TENT5D: variants seen among roughly 807,000 people sequenced by gnomAD.
TENT5D encodes terminal nucleotidyltransferase 5D, also known as cancer/testis antigen 112.
For missense variants in TENT5D, 191 were observed against 287.0 expected, an observed-to-expected ratio of 0.67 and a Z score of 2.42; for synonymous variants, 103 against 100.6, an observed-to-expected ratio of 1.02 and a Z score of -0.15.
chrX:80,393,605 A>G (rs776769385), intron 3 of TENT5D, among the ~76,000 whole-genome samples: 4 of 111,908 alleles, frequency 3.6e-5, no homozygotes, highest in South Asian at 3.7e-4. Flanking sequence ...AGAATACTCA[A>G]TTATTAGCTA....
At chrX:80,438,047 A>G (rs1177953734) in intron 1 of TENT5D, among the ~76,000 whole-genome samples, 1 of 111,701 alleles carries the variant, frequency 9.0e-6, no homozygotes, top group South Asian at 3.7e-4. Flanking sequence ...TTAAAAGAGC[A>G]TTCACTTTGA....
intron 1 of TENT5D, among the ~76,000 whole-genome samples, chrX:80,421,175 T>A (rs1278651162): frequency 9.0e-6 from 1 of 111,197 alleles, no homozygotes; most frequent in Non-Finnish European, 1.9e-5. Flanking sequence ...TTATCTCATT[T>A]GTATAGTTTT....
chrX:80,414,229 T>A (rs1931724710), intron 3 of TENT5D, among the ~76,000 whole-genome samples: 1 of 111,779 alleles, frequency 8.9e-6, no homozygotes, highest in African/African-American at 3.3e-5. Flanking sequence ...AAACTTTAGA[T>A]CTTGACTAAA....
chrX:80,381,142 A>G (rs962601098), intron 3 of TENT5D, among the ~76,000 whole-genome samples: 1 of 111,857 alleles, frequency 8.9e-6, no homozygotes, highest in Non-Finnish European at 1.9e-5. Flanking sequence ...GAGCTCTTGT[A>G]AGGCAGGCCT....
chrX:80,394,532 C>T (rs915597134), intron 3 of TENT5D, among the ~76,000 whole-genome samples: 2 of 106,179 alleles, frequency 1.9e-5, no homozygotes, highest in Non-Finnish European at 3.9e-5. Context: ...GCTGGGATTA[C>T]AGACATGCGC....
intron 3 of TENT5D, among the ~76,000 whole-genome samples, chrX:80,402,793 C>T (rs1026338282): frequency 3.6e-5 from 4 of 111,841 alleles, no homozygotes; most frequent in Non-Finnish European, 7.5e-5. Context: ...AGACTTGTCT[C>T]GTAGGCTAAC....
chrX:80,384,716 CT>C (rs1930954133), intron 3 of TENT5D, among the ~76,000 whole-genome samples: 1 of 105,266 alleles, frequency 9.5e-6, no homozygotes. Context: ...TGATAAGCAG[CT>C]TCAGCAAAGT....
intron 1 of TENT5D, among the ~76,000 whole-genome samples, chrX:80,424,783 C>G (rs1336735882): frequency 1.8e-5 from 2 of 112,493 alleles, no homozygotes; most frequent in Non-Finnish European, 3.8e-5. Flanking sequence ...AGAATAATTA[C>G]CTTTACATAG....
chrX:80,399,103 CT>C (rs757483589), intron 3 of TENT5D, among the ~76,000 whole-genome samples: 9 of 111,675 alleles, frequency 8.1e-5, no homozygotes, highest in Admixed American at 1.9e-4. Context: ...TGTGCAGAAG[CT>C]TTTTATTTTG....
At chrX:80,431,729 C>T (rs748420262) in intron 1 of TENT5D, among the ~76,000 whole-genome samples, 70 of 111,409 alleles carry the variant, frequency 6.3e-4, no homozygotes, top group Non-Finnish European at 1.2e-3. Flanking sequence ...AAAGACTTCC[C>T]CCATGAATCA....
At chrX:80,396,831 C>T (rs1219468367) in intron 3 of TENT5D, among the ~76,000 whole-genome samples, 2 of 99,920 alleles carry the variant, frequency 2.0e-5, no homozygotes, top group East Asian at 3.2e-4. Context: ...AGGGGCTCCT[C>T]ACTTCCCAGT....
chrX:80,391,857 T>A (rs1931133704), intron 3 of TENT5D, among the ~76,000 whole-genome samples: 1 of 112,727 alleles, frequency 8.9e-6, no homozygotes, highest in African/African-American at 3.2e-5. Context: ...GAAGTTTAGT[T>A]GAGGTGCCGC....
At chrX:80,438,808 ACTT>A (rs1932230315) in intron 2 of TENT5D, 76 bp downstream of exon 2, 1 of 110,984 alleles carries the variant, frequency 9.0e-6, no homozygotes, top group Non-Finnish European at 1.9e-5. Context: ...AGAGTGGCTA[ACTT>A]CTTATGTTTC....
chrX:80,416,249 T>C (rs1453245627), upstream of TENT5D, among the ~76,000 whole-genome samples: 3 of 104,248 alleles, frequency 2.9e-5, no homozygotes, highest in Non-Finnish European at 5.8e-5. Flanking sequence ...CCTGGCTTCA[T>C]TGATATTTTG....
At chrX:80,379,159 TTTCTGCATTCTA>T (rs1460702890) in intron 3 of TENT5D, among the ~76,000 whole-genome samples, 4 of 105,856 alleles carry the variant, frequency 3.8e-5, no homozygotes, top group Non-Finnish European at 5.9e-5. Context: ...GAAAAGGCCT[TTTCTGCATTCTA>T]TTCTGCATTC....
chrX:80,421,806 G>C (rs1931888765), intron 1 of TENT5D, among the ~76,000 whole-genome samples: 1 of 111,422 alleles, frequency 9.0e-6, no homozygotes, highest in South Asian at 3.8e-4. Context: ...ATGATAAGGA[G>C]ACTTAAGGAA....
intron 3 of TENT5D, among the ~76,000 whole-genome samples, chrX:80,350,248 G>A (rs921613369): frequency 9.0e-6 from 1 of 111,037 alleles, no homozygotes; most frequent in Non-Finnish European, 1.9e-5. Flanking sequence ...ACAGTGGGGC[G>A]TTAAAGTCTC....
At chrX:80,339,657 G>T (rs1244016298) in intron 2 of TENT5D, among the ~76,000 whole-genome samples, 1 of 109,987 alleles carries the variant, frequency 9.1e-6, no homozygotes, top group Non-Finnish European at 1.9e-5. Flanking sequence ...TTCATAATTT[G>T]GAAGTGACAA....
At chrX:80,394,044 T>C (rs1450467135) in intron 3 of TENT5D, among the ~76,000 whole-genome samples, 1 of 112,059 alleles carries the variant, frequency 8.9e-6, no homozygotes. Context: ...CTACAACATA[T>C]TGATCTCAAA....
Sources: gnomAD v4.1 joint callset for allele counts (sites outside exome capture counted in the v4.1 genomes callset) on GRCh38, gnomAD v4.1.1 for gene constraint, MANE v1.5 for transcripts, NCBI Gene and HGNC (gene_info 2026-07-23, HGNC 2026-07-21) for gene names.